Variants in EMC3 observed in about 807,000 individuals in gnomAD.
EMC3 encodes the protein 30 kDa protein.
In EMC3, 13 loss-of-function variants were observed where a neutral mutation model predicts 36.6. The ratio of observed to expected loss-of-function variants is 0.35; its 90% CI spans 0.23 to 0.56. The LOEUF (loss-of-function observed/expected upper bound fraction) is 0.56, where lower values mean the gene tolerates loss of function less well. EMC3 is among the 20% of genes least tolerant of loss of function. The pLI is 0.84. For synonymous variants in EMC3, 120 were observed against 111.9 expected, an observed-to-expected ratio of 1.07 and a Z score of -0.46; for missense variants, 220 against 324.5, an observed-to-expected ratio of 0.68 and a Z score of 2.47.
intron 1 of EMC3, among the ~76,000 whole-genome samples, chr3:10,000,016 T>G (rs1456516895): frequency 6.6e-6 from 1 of 152,016 alleles, no homozygotes; most frequent in Non-Finnish European, 1.5e-5. Flanking sequence ...CCATTAAGTT[T>G]TTGTTGTTGT....
chr3:9,986,941 C>G, upstream of EMC3: 3 of 1,211,254 alleles, frequency 2.5e-6, no homozygotes, highest in Non-Finnish European at 3.1e-6. Context: ...GTGGCCCAGG[C>G]TCGGTGGCTC....
In EMC3 at chr3:9,963,471, A is replaced by ATTTTTTTTTTTTT. The variant is rs1209408583; in HGVS notation, c.*597_*598insAAAAAAAAAAAAA. 1.8e-5 allele frequency: 2 copies of ATTTTTTTTTTTTT among 109,926 alleles called. No individual in the cohort carries two copies. The highest frequency in any genetic ancestry group is 7.0e-5 in the African/African-American group (2 of 28,400). 6.8% of individuals were successfully genotyped at this position (109,926 alleles called of 1,614,324 possible). A position where few individuals can be genotyped will look rare whatever the true frequency, so the allele number is the denominator to read the frequency against. On this transcript the variant is annotated 3_prime_UTR_variant, in exon 8 of 8. Transcript: ENST00000245046. ...CTAAGATAGATATATATATATATATATATATATTTTTTTTTTTTTTTCAGA... is the reference window on the plus strand; with the variant it reads ...CTAAGATAGATATATATATATATATATTTTTTTTTTTTTTATATATTTTTTTTTTTTTTTCAGA...
At chr3:10,002,305 T>TATGTTATGTTATGTTATGTTATGTTA in intron 1 of EMC3, among the ~76,000 whole-genome samples, 1 of 152,058 alleles carries the variant, frequency 6.6e-6, no homozygotes, top group African/African-American at 2.4e-5. Flanking sequence ...TTATTTTATT[T>TATGTTATGTTATGTTATGTTATGTTA]TGAGATAGTG....
chr3:9,978,508 T>A (rs2085874448), intron 1 of EMC3, among the ~76,000 whole-genome samples: 2 of 151,816 alleles, frequency 1.3e-5, no homozygotes, highest in Middle Eastern at 3.4e-3. Context: ...TGAAAAAAAA[T>A]TATGAACAGA....
intron 7 of EMC3, among the ~76,000 whole-genome samples, chr3:9,965,416 C>CAGATA (rs373411793): frequency 6.2e-5 from 9 of 145,756 alleles, no homozygotes; most frequent in Admixed American, 2.1e-4. Flanking sequence ...GTGAGACCCT[C>CAGATA]GATAGATAGA....
intron 1 of EMC3, chr3:9,994,093 G>C: frequency 8.3e-7 from 1 of 1,199,854 alleles, no homozygotes; most frequent in Middle Eastern, 2.8e-4. Flanking sequence ...TTGGGGAAGA[G>C]AAGTCTGATC....
At chr3:9,976,879 C>T (rs1282770856) in intron 3 of EMC3, 78 bp downstream of exon 3, 37 of 975,940 alleles carry the variant, frequency 3.8e-5, no homozygotes, top group Non-Finnish European at 4.9e-5. Flanking sequence ...AAAATGACAC[C>T]CTCCCTGCCT....
chr3:9,979,148 C>T (rs780466891), intron 1 of EMC3, among the ~76,000 whole-genome samples: 3 of 152,196 alleles, frequency 2.0e-5, no homozygotes, highest in Middle Eastern at 3.4e-3. Context: ...ATCTACAGGG[C>T]GCAACATGTA....
intron 3 of EMC3, 131 bp downstream of exon 3, chr3:9,976,826 C>T (rs1366478929): frequency 1.5e-6 from 1 of 688,512 alleles, no homozygotes; most frequent in East Asian, 2.5e-5. Context: ...CAGATGATTT[C>T]TAAGGTCTAA....
At chr3:9,982,440 A>G (rs2085921930) in intron 1 of EMC3, among the ~76,000 whole-genome samples, 1 of 151,782 alleles carries the variant, frequency 6.6e-6, no homozygotes, top group Admixed American at 6.6e-5. Flanking sequence ...TTTCTAGTAG[A>G]GACGGGGTTT....
chr3:9,991,957 T>A (rs1182762575), intron 1 of EMC3, among the ~76,000 whole-genome samples: 1 of 152,108 alleles, frequency 6.6e-6, no homozygotes, highest in Non-Finnish European at 1.5e-5. Flanking sequence ...CCCGTGAGAA[T>A]CTAATGCAGC....
At chr3:9,969,377 T>G in intron 7 of EMC3, 1 of 1,149,930 alleles carries the variant, frequency 8.7e-7, no homozygotes, top group Non-Finnish European at 1.1e-6. Flanking sequence ...TTAGTATTGT[T>G]TTTTTAATGC....
At chr3:9,992,027 C>G (rs944816069) in intron 1 of EMC3, among the ~76,000 whole-genome samples, 1 of 152,192 alleles carries the variant, frequency 6.6e-6, no homozygotes, top group African/African-American at 2.4e-5. Flanking sequence ...CCCTCACCTC[C>G]TGCTGTGCAG....
At chr3:10,003,111 A>G (rs1434462335) in intron 1 of EMC3, 4 of 456,566 alleles carry the variant, frequency 8.8e-6, no homozygotes, top group African/African-American at 6.0e-5. Context: ...GTGCAGACCC[A>G]GAAACCTCTG....
chr3:9,988,047 T>C (rs879622419), upstream of EMC3: 3 of 679,460 alleles, frequency 4.4e-6, no homozygotes, highest in Non-Finnish European at 5.4e-6. Flanking sequence ...TTTCCTCACA[T>C]AGGATGTCAC....
At chr3:9,992,182 A>G (rs2086061814) in intron 1 of EMC3, among the ~76,000 whole-genome samples, 1 of 152,056 alleles carries the variant, frequency 6.6e-6, no homozygotes, top group African/African-American at 2.4e-5. Context: ...GTGCAGTGGC[A>G]CAATCTCGGC....
intron 1 of EMC3, among the ~76,000 whole-genome samples, chr3:10,007,793 A>G (rs1171732684): frequency 6.6e-6 from 1 of 152,114 alleles, no homozygotes; most frequent in East Asian, 1.9e-4. Flanking sequence ...TAGGTCCAGA[A>G]GGCCCCACCC....
chr3:9,996,767 C>T (rs2086131498), intron 1 of EMC3, among the ~76,000 whole-genome samples: 1 of 152,192 alleles, frequency 6.6e-6, no homozygotes, highest in African/African-American at 2.4e-5. Context: ...GGGACAATCA[C>T]TTTATAACCT....
intron 1 of EMC3, among the ~76,000 whole-genome samples, chr3:9,983,961 C>A (rs570642889): frequency 2.0e-4 from 30 of 152,176 alleles, no homozygotes; most frequent in African/African-American, 6.8e-4. Context: ...TAAGGAGTAT[C>A]TGCTTCAGTG....
Sources: allele counts gnomAD v4.1 joint callset (sites outside exome capture counted in the v4.1 genomes callset), GRCh38; gene constraint gnomAD v4.1.1; transcripts MANE v1.5; gene names NCBI Gene and HGNC (gene_info 2026-07-23, HGNC 2026-07-21).